USP33: variants seen among roughly 807,000 people sequenced by gnomAD.
USP33 encodes ubiquitin specific peptidase 33.
USP33 carries 46 observed loss-of-function variants against 124.2 expected under a neutral mutation model. The observed-to-expected ratio is 0.37, with a 90% CI of 0.29 to 0.47. The LOEUF is 0.47. Ranked by LOEUF, USP33 falls within the 20% of genes least tolerant of loss-of-function variation. The pLI is 0.99. For missense variants in USP33, 851 were observed against 1,070.6 expected (o/e 0.79, Z 2.86); for synonymous variants, 350 against 352.3 (o/e 0.99, Z 0.07).
intron 21 of USP33, among the ~76,000 whole-genome samples, chr1:77,703,870 A>G (rs1674317637): frequency 6.6e-6 from 1 of 152,166 alleles, no homozygotes; most frequent in South Asian, 2.1e-4. Context: ...ACAAAAAATT[A>G]GCTGGGTGCA....
chr1:77,709,651 T>C (rs1234311745), intron 21 of USP33, among the ~76,000 whole-genome samples: 1 of 151,340 alleles, frequency 6.6e-6, no homozygotes, highest in Non-Finnish European at 1.5e-5. Flanking sequence ...TAGATCTATC[T>C]AGATAGATCT....
chr1:77,743,031 C>G (rs1679310219), intron 1 of USP33, among the ~76,000 whole-genome samples: 1 of 152,066 alleles, frequency 6.6e-6, no homozygotes, highest in African/African-American at 2.4e-5. Context: ...CAAACTTCAC[C>G]TCCCAGGTTC....
chr1:77,717,775 A>G, intron 17 of USP33, 92 bp downstream of exon 17: 1 of 1,188,314 alleles, frequency 8.4e-7, no homozygotes, highest in East Asian at 2.7e-5. Flanking sequence ...CATTCTCCCA[A>G]AAGGCTGGTA....
In USP33 at chr1:77,725,708, G is replaced by T; in HGVS notation, c.1190C>A (p.Ser397Ter). The T allele has an allele frequency of 6.2e-7, 1 of 1,614,068 alleles. No homozygotes were observed. Among genetic ancestry groups the T allele is most frequent in the South Asian group, 1.1e-5 (1 of 91,076 alleles). The stretch of plus-strand genomic sequence containing the variant: ...TAAACGTGGATTAACACCTTCATTT[G>T]ATGGAAGGATCTGTGGTGTAGACAG... ...NDLSTPQILP[S>*]NEGVNPRLSA... Residue 397 changes from serine (S) to a stop codon, truncating the protein, a stop_gained, in exon 11 of 24, where the codon TCA (serine) becomes TAA (stop). Coordinates refer to ENST00000370794, the MANE Select transcript of USP33 (RefSeq NM_201624.3). LOFTEE classifies it high-confidence loss of function.
At chr1:77,729,819 T>G (rs1313840768) in intron 9 of USP33, 41 bp downstream of exon 9, 1 of 1,593,054 alleles carries the variant, frequency 6.3e-7, no homozygotes, top group Non-Finnish European at 8.6e-7. Context: ...TTTTCCAAAT[T>G]TATTTAGATT....
Position 77,725,834 on chromosome 1 carries a change from TTTC to T in USP33, c.1136-75_1136-73del, listed in dbSNP as rs763525786. ...TCTAACTGTCCAATAATGTTAAAGG[TTTC>T]TTAATTTGATATTTTGAACACAATC... On this transcript the variant is annotated intron_variant, in intron 10 of 23. Coordinates refer to ENST00000370794, the MANE Select transcript of USP33 (RefSeq NM_201624.3). 352 of 1,334,636 alleles carry T rather than the reference TTTC, an allele frequency of 2.6e-4. 1 individual carries two copies. The highest frequency in any genetic ancestry group is 8.7e-4 in the Admixed American group (33 of 37,766). The allele number at this position is 1,334,636 out of a possible 1,614,324, so 82.7% of individuals were successfully genotyped here.
In USP33 at chr1:77,728,109, T is replaced by C. The variant is rs1355885679; in HGVS notation, c.1135+186A>G. 3.3e-5 allele frequency among the ~76,000 whole-genome samples: 5 copies of C among 152,224 alleles called. No individual in the cohort carries two copies. In the East Asian group the frequency reaches 9.6e-4, roughly 29 times the overall value. On this transcript the variant is annotated intron_variant, in intron 10 of 23. Coordinates refer to ENST00000370794, the MANE Select transcript of USP33 (RefSeq NM_201624.3). Reference sequence around the variant, plus strand: ...TACTTCAAAAGGAGGATTAATTTCTTATATAATTAAATGACCCAAAAAATT... The same window carrying C: ...TACTTCAAAAGGAGGATTAATTTCTCATATAATTAAATGACCCAAAAAATT...
At chr1:77,726,223 T>C (rs1403738623) in intron 10 of USP33, among the ~76,000 whole-genome samples, 1 of 152,132 alleles carries the variant, frequency 6.6e-6, no homozygotes, top group Admixed American at 6.5e-5. Context: ...GTGTTGGGAT[T>C]ATAGGCATGA....
At chr1:77,757,781 C>T (rs1680935851) in intron 1 of USP33, among the ~76,000 whole-genome samples, 1 of 152,284 alleles carries the variant, frequency 6.6e-6, no homozygotes, top group East Asian at 1.9e-4. Flanking sequence ...TTACGAAATT[C>T]TGATCCTTAC....
At chr1:77,757,448 G>A (rs1200341711) in intron 1 of USP33, among the ~76,000 whole-genome samples, 1 of 152,142 alleles carries the variant, frequency 6.6e-6, no homozygotes, top group Non-Finnish European at 1.5e-5. Context: ...TAATTCATGT[G>A]CCTTTTTATA....
Position 77,697,139 on chromosome 1 carries a change from C to T in USP33, c.*178G>A. The T allele has an allele frequency of 1.8e-6, 1 of 547,608 alleles. No homozygotes were observed. The highest frequency in any genetic ancestry group is 3.8e-5 in the Admixed American group (1 of 26,380). The allele number at this position is 547,608 out of a possible 1,614,324, so 33.9% of individuals were successfully genotyped here. A position where few individuals can be genotyped will look rare whatever the true frequency, so the allele number is the denominator to read the frequency against. On this transcript the variant is annotated 3_prime_UTR_variant, in exon 24 of 24. Transcript: ENST00000370794. ...AGTATTTAAAACTAAATATACCAAC[C>T]TGTGGTATATTACACATTTTAATAT...
At position 77,730,689 on chromosome 1, in the gene USP33, A is replaced by G; in HGVS notation, c.567T>C (p.Ala189=). 2 of 1,594,686 alleles carry G rather than the reference A, an allele frequency of 1.3e-6. No individual in the cohort carries two copies. The highest frequency in any genetic ancestry group is 1.7e-6 in the Non-Finnish European group (2 of 1,169,158). ...TQFFLDCGGL[A]RTDKKPAICK... ...AAATGGCAGGTTTCTTATCTGTTCGAGCTAGTCCTCCACAATCAAGAAAAA... is the reference window on the plus strand; with the variant it reads ...AAATGGCAGGTTTCTTATCTGTTCGGGCTAGTCCTCCACAATCAAGAAAAA... Residue 189 remains alanine, a synonymous_variant, in exon 8 of 24, where the codon GCT becomes GCC. Coordinates refer to ENST00000370794, the MANE Select transcript of USP33 (RefSeq NM_201624.3).
At chr1:77,701,275 T>G in intron 22 of USP33, 94 bp downstream of exon 22, 1 of 814,246 alleles carries the variant, frequency 1.2e-6, no homozygotes, top group Middle Eastern at 3.1e-4. Flanking sequence ...TGTTCAATAG[T>G]GTAATCCCAA....
At chr1:77,754,548 A>G (rs1680631801) in intron 1 of USP33, among the ~76,000 whole-genome samples, 1 of 152,224 alleles carries the variant, frequency 6.6e-6, no homozygotes, top group African/African-American at 2.4e-5. Flanking sequence ...CTTTCCCTTT[A>G]AACAAATATT....
intron 1 of USP33, among the ~76,000 whole-genome samples, chr1:77,749,750 G>A (rs912615687): frequency 2.0e-5 from 3 of 152,116 alleles, no homozygotes; most frequent in African/African-American, 2.4e-5. Context: ...TTTAAGCTAT[G>A]TATTTTCCTC....
At position 77,696,384 on chromosome 1, in the gene USP33, G is replaced by A. The variant is rs572831055; in HGVS notation, c.*933C>T. ...AAGTTTAACATTGTACAATATAAGCGGCAATAAGTTACTGATATCTGCTGA... is the reference window on the plus strand; with the variant it reads ...AAGTTTAACATTGTACAATATAAGCAGCAATAAGTTACTGATATCTGCTGA... On this transcript the variant is annotated 3_prime_UTR_variant, in exon 24 of 24. Coordinates refer to ENST00000370794, the MANE Select transcript of USP33 (RefSeq NM_201624.3). The A allele has an allele frequency of 7.9e-5, 12 of 152,632 alleles. No individual in the cohort carries two copies. The highest frequency in any genetic ancestry group is 2.6e-4 in the African/African-American group (11 of 41,528). 9.5% of individuals were successfully genotyped at this position (152,632 alleles called of 1,614,324 possible). A position where few individuals can be genotyped will look rare whatever the true frequency, so the allele number is the denominator to read the frequency against.
intron 16 of USP33, among the ~76,000 whole-genome samples, chr1:77,718,260 G>A (rs961934164): frequency 6.6e-6 from 1 of 152,110 alleles, no homozygotes; most frequent in Non-Finnish European, 1.5e-5. Context: ...GTTAAGTATT[G>A]ATCTGCAATT....
At position 77,702,462 on chromosome 1, in the gene USP33, T is replaced by C. The variant is rs79388552; in HGVS notation, c.2407-991A>G. Among the ~76,000 whole-genome samples the C allele has an allele frequency of 7.1e-3, 1,086 of 152,282 alleles. 15 individuals are homozygous for C. Among genetic ancestry groups the C allele is most frequent in the African/African-American group, 0.024 (1,010 of 41,576 alleles). On this transcript the variant is annotated intron_variant, in intron 21 of 23. Coordinates refer to ENST00000370794, the MANE Select transcript of USP33 (RefSeq NM_201624.3). Reference sequence around the variant, plus strand: ...ACAACTTGCTATTACCATGCTGCAATGAATGAATGATCTTGTACATGTCAT... The same window carrying C: ...ACAACTTGCTATTACCATGCTGCAACGAATGAATGATCTTGTACATGTCAT...
At chr1:77,747,513 CT>C (rs946041138) in intron 1 of USP33, among the ~76,000 whole-genome samples, 8 of 152,144 alleles carry the variant, frequency 5.3e-5, no homozygotes, top group African/African-American at 1.9e-4. Context: ...TAACCTTGGA[CT>C]CCCAAAGCGC....
Sources: allele counts gnomAD v4.1 joint callset (sites outside exome capture counted in the v4.1 genomes callset), GRCh38; gene constraint gnomAD v4.1.1; transcripts MANE v1.5; gene names NCBI Gene and HGNC (gene_info 2026-07-23, HGNC 2026-07-21).